EPM2A: variants seen among roughly 807,000 people sequenced by gnomAD.
EPM2A encodes the protein EPM2A glucan phosphatase, laforin, also known as laforin.
A neutral mutation model predicts 26.5 loss-of-function variants in EPM2A; 21 were observed. The observed-to-expected ratio is 0.79, with a 90% CI of 0.56 to 1.14. The LOEUF (loss-of-function observed/expected upper bound fraction) is 1.14, where lower values mean the gene tolerates loss of function less well. Among genes scored for constraint, EPM2A ranks in the 50% most tolerant of loss-of-function variants. The probability of loss-of-function intolerance (pLI) is 0.00; values close to 1 mark genes in which losing one functional copy is unlikely to be tolerated. For synonymous variants in EPM2A, 217 were observed against 177.6 expected (o/e 1.22, Z -1.76); for missense variants, 458 against 440.8 (o/e 1.04, Z -0.35).
chr6:145,452,796 A>C (rs111249484), intron 4 of EPM2A, among the ~76,000 whole-genome samples: 131 of 152,264 alleles, frequency 8.6e-4, no homozygotes, highest in African/African-American at 3.0e-3. Context: ...TTTTTGGTGA[A>C]TCTCTAGGAG....
intron 1 of EPM2A, among the ~76,000 whole-genome samples, chr6:145,706,176 C>T (rs1782211691): frequency 6.6e-6 from 1 of 152,158 alleles, no homozygotes; most frequent in African/African-American, 2.4e-5. Flanking sequence ...TCCATAAGAG[C>T]TGCCTGTATC....
intron 2 of EPM2A, among the ~76,000 whole-genome samples, chr6:145,550,981 C>T (rs895933996): frequency 3.3e-5 from 5 of 151,870 alleles, no homozygotes; most frequent in Non-Finnish European, 7.4e-5. Context: ...TGCTCCTAAC[C>T]CCCACATTAA....
chr6:145,711,108 A>T (rs1353578099), intron 1 of EPM2A, among the ~76,000 whole-genome samples: 1 of 152,110 alleles, frequency 6.6e-6, no homozygotes, highest in African/African-American at 2.4e-5. Context: ...GTGCCCTAAA[A>T]CTTAAAGTAT....
At chr6:145,629,731 T>C (rs1776103457) in intron 3 of EPM2A, 1 of 152,224 alleles carries the variant, frequency 6.6e-6, no homozygotes, top group African/African-American at 2.4e-5. Flanking sequence ...TAGCATCACA[T>C]GGCAAGCTCC....
intron 4 of EPM2A, among the ~76,000 whole-genome samples, chr6:145,422,888 A>T (rs990135780): frequency 2.0e-5 from 3 of 151,780 alleles, no homozygotes; most frequent in African/African-American, 4.8e-5. Context: ...ATCACTAAAA[A>T]TTTTTTTTCT....
At chr6:145,709,209 G>T (rs1419904511) in intron 1 of EPM2A, among the ~76,000 whole-genome samples, 1 of 152,180 alleles carries the variant, frequency 6.6e-6, no homozygotes. Flanking sequence ...TTAAGACTTT[G>T]GGGGACTGTT....
chr6:145,614,407 C>G (rs918064133), intron 2 of EPM2A, among the ~76,000 whole-genome samples: 2 of 152,244 alleles, frequency 1.3e-5, no homozygotes, highest in Non-Finnish European at 2.9e-5. Context: ...GCTGGAGTAA[C>G]ACTTCTAATT....
chr6:145,720,635 A>G (rs1453613376), intron 1 of EPM2A, among the ~76,000 whole-genome samples: 2 of 152,170 alleles, frequency 1.3e-5, no homozygotes, highest in African/African-American at 2.4e-5. Context: ...ATATTCATCA[A>G]ACAGATAGAC....
chr6:145,527,766 T>C (rs1780298673), intron 2 of EPM2A, among the ~76,000 whole-genome samples: 1 of 152,090 alleles, frequency 6.6e-6, no homozygotes, highest in African/African-American at 2.4e-5. Context: ...AAGTGGGATG[T>C]TTAGGCATGT....
intron 4 of EPM2A, among the ~76,000 whole-genome samples, chr6:145,493,616 C>T (rs1779782365): frequency 6.6e-6 from 1 of 152,154 alleles, no homozygotes; most frequent in Admixed American, 6.5e-5. Flanking sequence ...GTGACGTTGG[C>T]TGTCGGTTTG....
chr6:145,413,774 C>A (rs1211144420), intron 4 of EPM2A, among the ~76,000 whole-genome samples: 2 of 152,164 alleles, frequency 1.3e-5, no homozygotes, highest in Admixed American at 6.5e-5. Flanking sequence ...GGGGTCCTGA[C>A]AAATAGCTTA....
At chr6:145,498,358 C>T (rs1303228337), downstream of EPM2A, among the ~76,000 whole-genome samples, 2 of 152,180 alleles carry the variant, frequency 1.3e-5, no homozygotes, top group African/African-American at 4.8e-5. Context: ...CCTAGGGGTA[C>T]CTGTGGACCA....
At chr6:145,677,266 A>G (rs537189190) in intron 2 of EPM2A, among the ~76,000 whole-genome samples, 48 of 152,338 alleles carry the variant, frequency 3.2e-4, no homozygotes, top group African/African-American at 1.2e-3. Context: ...TAAACTAGGT[A>G]TTGATGGAAC....
At chr6:145,577,591 A>G (rs1288725039) in intron 2 of EPM2A, among the ~76,000 whole-genome samples, 2 of 149,544 alleles carry the variant, frequency 1.3e-5, no homozygotes, top group Admixed American at 6.6e-5. Flanking sequence ...CCCCCCCAAT[A>G]CAATAATAGT....
At chr6:145,566,094 TCATCTG>T (rs991980634) in intron 2 of EPM2A, among the ~76,000 whole-genome samples, 5 of 152,230 alleles carry the variant, frequency 3.3e-5, no homozygotes, top group African/African-American at 1.2e-4. Flanking sequence ...TTTACCAAAA[TCATCTG>T]CATGGTACAT....
chr6:145,442,675 C>T (rs1233900591), intron 4 of EPM2A, among the ~76,000 whole-genome samples: 1 of 151,280 alleles, frequency 6.6e-6, no homozygotes, highest in East Asian at 2.1e-4. Context: ...TATCAGTAGT[C>T]CTTTCCCCAT....
intron 1 of EPM2A, among the ~76,000 whole-genome samples, chr6:145,733,195 T>C (rs138487718): frequency 6.6e-6 from 1 of 152,320 alleles, no homozygotes; most frequent in Admixed American, 6.5e-5. Context: ...TATCCTCTCT[T>C]ATAGGAGTAA....
intron 2 of EPM2A, among the ~76,000 whole-genome samples, chr6:145,659,923 T>A (rs924351086): frequency 4.6e-5 from 7 of 152,314 alleles, no homozygotes; most frequent in South Asian, 2.1e-4. Flanking sequence ...TGCTTTTTTT[T>A]AAAATCCATA....
intron 2 of EPM2A, among the ~76,000 whole-genome samples, chr6:145,599,950 G>T (rs938427974): frequency 2.0e-5 from 3 of 151,840 alleles, no homozygotes; most frequent in Admixed American, 6.6e-5. Flanking sequence ...ATTAATTTCT[G>T]GGCAAATAAT....
Sources: allele counts gnomAD v4.1 joint callset (sites outside exome capture counted in the v4.1 genomes callset), GRCh38; gene constraint gnomAD v4.1.1; transcripts MANE v1.5; gene names NCBI Gene and HGNC (gene_info 2026-07-23, HGNC 2026-07-21).